Variants in KIDINS220 observed in about 807,000 individuals in gnomAD.
KIDINS220 encodes kinase D interacting substrate 220.
In KIDINS220, 63 loss-of-function variants were observed where a neutral mutation model predicts 157.6. That is an observed-to-expected ratio of 0.40 (90% CI 0.33 to 0.49). The LOEUF is 0.49. Among genes scored for constraint, KIDINS220 ranks in the 20% least tolerant of loss-of-function variants. The pLI is 0.66. For synonymous variants in KIDINS220, 732 were observed against 783.6 expected (o/e 0.93, Z 1.10); for missense variants, 1,772 against 2,171.2 (o/e 0.82, Z 3.65).
intron 24 of KIDINS220, among the ~76,000 whole-genome samples, chr2:8,748,656 C>G (rs1666899673): frequency 6.6e-6 from 1 of 152,160 alleles, no homozygotes; most frequent in Non-Finnish European, 1.5e-5. Flanking sequence ...AACATAAAGA[C>G]TGCAGTTCAT....
Position 8,786,326 on chromosome 2 carries a change from T to G in KIDINS220, c.1819A>C (p.Ser607Arg). ...FLFTDYNRLS[S>R]VGGETSLAEM... is the part of the protein sequence containing the mutation. The stretch of plus-strand genomic sequence containing the variant: ...GCCAGAGAAGTTTCTCCACCTACAC[T>G]GGACAGTCTATTGTAATCTGTAAAC... The change falls in exon 16 of 30, where the codon AGT (serine) becomes CGT (arginine). Residue 607 changes from serine (S) to arginine (R), a missense_variant. By Grantham distance (110) the Ser-to-Arg change is moderately radical (BLOSUM62 -1). Around this residue, in one of 3 missense-constraint regions of KIDINS220, gnomAD observed 725 missense variants for 1,017.1 expected, o/e 0.71. Coordinates refer to ENST00000256707, the MANE Select transcript of KIDINS220 (RefSeq NM_020738.4). The G allele has an allele frequency of 6.2e-7, 1 of 1,613,786 alleles. No homozygotes were observed. Among genetic ancestry groups the G allele is most frequent in the Non-Finnish European group, 8.5e-7 (1 of 1,179,684 alleles).
In KIDINS220 at chr2:8,731,453, G is replaced by A; in HGVS notation, c.4583C>T (p.Thr1528Ile). The A allele has an allele frequency of 2.5e-6, 4 of 1,614,154 alleles. No individual in the cohort carries two copies. The highest frequency in any genetic ancestry group is 3.4e-6 in the Non-Finnish European group (4 of 1,180,044). ...KLPSDEDESG[T>I]EESDNTPLLK... Reference sequence around the variant, plus strand: ...CAGTGGAGTGTTATCTGATTCTTCTGTGCCAGATTCATCCTCGTCACTTGG... The same window carrying A: ...CAGTGGAGTGTTATCTGATTCTTCTATGCCAGATTCATCCTCGTCACTTGG... Residue 1528 changes from threonine (T) to isoleucine (I), a missense_variant, in exon 30 of 30, where the codon ACA becomes ATA. Around this residue, in one of 3 missense-constraint regions of KIDINS220, gnomAD observed 793 missense variants for 885.5 expected, o/e 0.90. Transcript: ENST00000256707. The surrounding 1 kb of genome is among the most constrained non-coding windows in gnomAD (Gnocchi z 5.2).
At chr2:8,793,347 T>C (rs747018662) in intron 12 of KIDINS220, among the ~76,000 whole-genome samples, 7 of 151,708 alleles carry the variant, frequency 4.6e-5, no homozygotes, top group Non-Finnish European at 8.8e-5. Context: ...AGAAAAAAAA[T>C]CAGCTGGGTG....
At chr2:8,813,153 C>T (rs1031277340) in intron 5 of KIDINS220, 84 bp downstream of exon 5, 11 of 791,444 alleles carry the variant, frequency 1.4e-5, no homozygotes, top group East Asian at 1.1e-4. Flanking sequence ...CTACCCACCA[C>T]GAAGCCAAAT....
At chr2:8,756,756 A>G (rs1668064884) in intron 22 of KIDINS220, among the ~76,000 whole-genome samples, 2 of 152,218 alleles carry the variant, frequency 1.3e-5, no homozygotes, top group African/African-American at 2.4e-5. Context: ...TTCCACCCTC[A>G]TGACCTCATC....
At chr2:8,726,346 T>C (rs1429501230), downstream of KIDINS220, among the ~76,000 whole-genome samples, 1 of 152,266 alleles carries the variant, frequency 6.6e-6, no homozygotes, top group Non-Finnish European at 1.5e-5. Context: ...CAGACTCTGA[T>C]GCCAGTGTAA....
In KIDINS220 at chr2:8,760,114, A is replaced by G. The variant is rs940115732; in HGVS notation, c.3012-8470T>C. Reference sequence around the variant, plus strand: ...TACACGTTTTTAACTCCTTAAAACTATAATAGAAAAGAATGCTGTTACATA... The same window carrying G: ...TACACGTTTTTAACTCCTTAAAACTGTAATAGAAAAGAATGCTGTTACATA... On this transcript the variant is annotated intron_variant, in intron 22 of 29. Coordinates refer to ENST00000256707, the MANE Select transcript of KIDINS220 (RefSeq NM_020738.4). Among the ~76,000 whole-genome samples the G allele has an allele frequency of 9.9e-5, 15 of 152,220 alleles. 2 individuals carry two copies. The highest frequency in any genetic ancestry group is 8.5e-4 in the Admixed American group (13 of 15,282).
At chr2:8,806,568 T>C (rs1480109555) in intron 6 of KIDINS220, among the ~76,000 whole-genome samples, 199 bp from the exon 7 acceptor site, 1 of 152,198 alleles carries the variant, frequency 6.6e-6, no homozygotes, top group Non-Finnish European at 1.5e-5. Context: ...CCATGAAATG[T>C]CTTTTAACCA....
chr2:8,777,904 T>C (rs1234599281), intron 20 of KIDINS220, among the ~76,000 whole-genome samples: 1 of 152,194 alleles, frequency 6.6e-6, no homozygotes, highest in Non-Finnish European at 1.5e-5. Flanking sequence ...CATCCATATC[T>C]GTAAAGGGTA....
intron 1 of KIDINS220, among the ~76,000 whole-genome samples, chr2:8,833,643 C>A (rs1679977560): frequency 6.6e-6 from 1 of 152,164 alleles, no homozygotes. Context: ...CCATACAAGA[C>A]ACTATATTTC....
At chr2:8,784,466 A>G (rs1672118737) in intron 17 of KIDINS220, among the ~76,000 whole-genome samples, 1 of 152,236 alleles carries the variant, frequency 6.6e-6, no homozygotes, top group African/African-American at 2.4e-5. Flanking sequence ...TGTCAAGAGA[A>G]TGAAAAGCAA....
At chr2:8,815,902 C>A (rs1016329635) in intron 4 of KIDINS220, among the ~76,000 whole-genome samples, 1 of 152,046 alleles carries the variant, frequency 6.6e-6, no homozygotes, top group Admixed American at 6.6e-5. Context: ...CTTCCTGAGC[C>A]CCACAGGATC....
At chr2:8,818,348 CCAT>C (rs1286498612) in intron 3 of KIDINS220, among the ~76,000 whole-genome samples, 1 of 152,038 alleles carries the variant, frequency 6.6e-6, no homozygotes, top group Non-Finnish European at 1.5e-5. Context: ...ATATTCCTGG[CCAT>C]TATCGCATGT....
intron 20 of KIDINS220, among the ~76,000 whole-genome samples, chr2:8,778,213 G>C (rs946615163): frequency 5.9e-5 from 9 of 152,210 alleles, no homozygotes; most frequent in African/African-American, 2.2e-4. Context: ...AGAGAAAAAA[G>C]AGTGAGCGTC....
At position 8,813,288 on chromosome 2, in the gene KIDINS220, G is replaced by C. The variant is rs199892881; in HGVS notation, c.354C>G (p.Asp118Glu). 2.5e-6 allele frequency: 4 copies of C among 1,613,538 alleles called. No homozygotes were observed. The highest frequency in any genetic ancestry group is 3.4e-6 in the Non-Finnish European group (4 of 1,179,780). The change falls in exon 5 of 30, where the codon GAC becomes GAG. Residue 118 changes from aspartate (D) to glutamate (E), a missense_variant. Coordinates refer to ENST00000256707, the MANE Select transcript of KIDINS220 (RefSeq NM_020738.4). ...LMWACYKGRTDVVELLLSHGA... is the reference protein window; with the variant it reads ...LMWACYKGRTEVVELLLSHGA... The stretch of plus-strand genomic sequence containing the variant: ...CATGAGAAAGAAGCAACTCTACTAC[G>C]TCAGTACGGCCTTTGTAACATGCCC...
At chr2:8,726,788 C>G (rs1663366443), downstream of KIDINS220, 5 of 487,308 alleles carry the variant, frequency 1.0e-5, no homozygotes, top group East Asian at 2.1e-4. Context: ...GTATTAGAAT[C>G]TTATGGGCCC....
chr2:8,747,067 C>T (rs1572477171), intron 26 of KIDINS220, 78 bp downstream of exon 26: 1 of 1,294,594 alleles, frequency 7.7e-7, no homozygotes, highest in East Asian at 2.3e-5. Flanking sequence ...GAGCTGCTAT[C>T]ATCACAATTA....
chr2:8,816,757 T>C (rs1193239563), intron 4 of KIDINS220, among the ~76,000 whole-genome samples: 1 of 152,256 alleles, frequency 6.6e-6, no homozygotes, highest in East Asian at 1.9e-4. Flanking sequence ...AAACTTTCAC[T>C]GCAACGTACT....
intron 1 of KIDINS220, among the ~76,000 whole-genome samples, chr2:8,834,788 G>A (rs926668716): frequency 2.6e-5 from 4 of 152,070 alleles, no homozygotes; most frequent in African/African-American, 7.2e-5. Flanking sequence ...CCCCCCTCGC[G>A]GGTCACCTAT....
Sources: gnomAD v4.1 joint callset for allele counts (sites outside exome capture counted in the v4.1 genomes callset) on GRCh38, gnomAD v4.1.1 for gene constraint, gnomAD v4.1.1 regional missense constraint, Gnocchi (gnomAD v3.1) non-coding constraint, MANE v1.5 for transcripts, NCBI Gene and HGNC (gene_info 2026-07-23, HGNC 2026-07-21) for gene names.